LRP2: variants seen among roughly 807,000 people sequenced by gnomAD.
LRP2 encodes the protein low-density lipoprotein receptor-related protein 2.
In LRP2, 172 loss-of-function variants were observed where a neutral mutation model predicts 531.0. The observed-to-expected ratio is 0.32, with a 90% CI of 0.29 to 0.37. The LOEUF (loss-of-function observed/expected upper bound fraction) is 0.37. Among genes scored for constraint, LRP2 ranks in the 10% least tolerant of loss-of-function variants. The pLI, the probability that LRP2 is intolerant of heterozygous loss-of-function variation, is 1.00. For missense variants in LRP2, 5,167 were observed against 5,868.3 expected, an observed-to-expected ratio of 0.88 and a Z score of 3.90; for synonymous variants, 1,992 against 2,027.6, an observed-to-expected ratio of 0.98 and a Z score of 0.47.
At chr2:169,356,822 G>A (rs543379150) in intron 1 of LRP2, among the ~76,000 whole-genome samples, 22 of 152,264 alleles carry the variant, frequency 1.4e-4, no homozygotes, top group African/African-American at 5.1e-4. Context: ...TTCTAATGCT[G>A]GTGAGATCCT....
At chr2:169,193,731 T>C in intron 47 of LRP2, 30 bp downstream of exon 47, 1 of 1,614,058 alleles carries the variant, frequency 6.2e-7, no homozygotes, top group Non-Finnish European at 8.5e-7. Context: ...GGAATGTGAC[T>C]CTGCAGAGGA....
chr2:169,266,323 A>C (rs1426120057), intron 16 of LRP2, among the ~76,000 whole-genome samples: 1 of 152,028 alleles, frequency 6.6e-6, no homozygotes, highest in Non-Finnish European at 1.5e-5. Context: ...AGACAAACAA[A>C]AGAAGAAATA....
Position 169,140,461 on chromosome 2 carries a change from T to G in LRP2, c.13193A>C (p.Lys4398Thr), listed in dbSNP as rs774627697. The part of the protein sequence containing the change: ...NCYFDETDLP[K>T]CKCPSGYTGK... Reference sequence around the variant, plus strand: ...CCTCAACATTCAGACTTACTTGCATTTGGGGAGGTCAGTCTCATCAAAATA... The same window carrying G: ...CCTCAACATTCAGACTTACTTGCATGTGGGGAGGTCAGTCTCATCAAAATA... The change falls in exon 72 of 79, where the codon AAA becomes ACA. Residue 4398 changes from lysine (K) to threonine (T), a missense_variant. By Grantham distance (78) the Lys-to-Thr change is moderately conservative. Coordinates refer to ENST00000649046, the MANE Select transcript of LRP2 (RefSeq NM_004525.3). 21 of 1,613,640 alleles carry G rather than the reference T, an allele frequency of 1.3e-5. No homozygotes were observed. The highest frequency in any genetic ancestry group is 1.8e-5 in the Non-Finnish European group (21 of 1,179,510).
At chr2:169,348,230 C>T (rs1685747197) in intron 1 of LRP2, among the ~76,000 whole-genome samples, 1 of 152,220 alleles carries the variant, frequency 6.6e-6, no homozygotes, top group Admixed American at 6.5e-5. Context: ...TATTTCCCAA[C>T]TTCTCTACTC....
chr2:169,190,362 C>T (rs1406463279), intron 48 of LRP2, among the ~76,000 whole-genome samples: 1 of 152,246 alleles, frequency 6.6e-6, no homozygotes, highest in African/African-American at 2.4e-5. Flanking sequence ...AATGTCCACT[C>T]ATCAGAGGAT....
Position 169,270,786 on chromosome 2 carries a change from AT to A in LRP2, c.2320+117del, listed in dbSNP as rs1559049979. On this transcript the variant is annotated intron_variant, in intron 16 of 78. Coordinates refer to ENST00000649046, the MANE Select transcript of LRP2 (RefSeq NM_004525.3). ...AATAAATAAATAAATAAATAAATAA[AT>A]AAATAAGACTGCTTAAAAATTAGAT... 1,301 of 440,826 alleles carry A rather than the reference AT, an allele frequency of 3.0e-3. 13 individuals are homozygous for A. Among genetic ancestry groups the A allele is most frequent in the African/African-American group, 0.024 (1,084 of 44,428 alleles). The allele number at this position is 440,826 out of a possible 1,614,324, so 27.3% of individuals were successfully genotyped here.
chr2:169,312,468 G>A (rs1684639992), intron 3 of LRP2, among the ~76,000 whole-genome samples: 1 of 152,114 alleles, frequency 6.6e-6, no homozygotes, highest in African/African-American at 2.4e-5. Context: ...ATGAAGCTTA[G>A]TTTGGCTGGA....
chr2:169,243,300 C>T, intron 23 of LRP2, 103 bp downstream of exon 23: 1 of 1,402,108 alleles, frequency 7.1e-7, no homozygotes, highest in Non-Finnish European at 1.0e-6. Context: ...CCCCACCCCC[C>T]AACAGGCCCC....
At chr2:169,171,372 CA>C (rs1558993349) in intron 58 of LRP2, among the ~76,000 whole-genome samples, 1 of 152,138 alleles carries the variant, frequency 6.6e-6, no homozygotes, top group Admixed American at 6.6e-5. Flanking sequence ...GTTTTCAGAA[CA>C]CACATTGAGT....
At chr2:169,293,450 C>T (rs368074874) in intron 6 of LRP2, among the ~76,000 whole-genome samples, 69 of 152,146 alleles carry the variant, frequency 4.5e-4, no homozygotes, top group Admixed American at 1.2e-3. Flanking sequence ...CCGAGGCGGG[C>T]GGATCACTTG....
chr2:169,359,188 T>C (rs1686078626), intron 1 of LRP2, among the ~76,000 whole-genome samples: 1 of 152,186 alleles, frequency 6.6e-6, no homozygotes, highest in African/African-American at 2.4e-5. Context: ...AAGATGTCAT[T>C]GGGTAAATTC....
chr2:169,136,075 T>C (rs1685495998), intron 76 of LRP2, among the ~76,000 whole-genome samples: 1 of 152,180 alleles, frequency 6.6e-6, no homozygotes, highest in Non-Finnish European at 1.5e-5. Flanking sequence ...TCTTAGTCCT[T>C]TAATACCTGT....
In LRP2 at chr2:169,256,008, C is replaced by A. The variant is rs1574184873; in HGVS notation, c.2770+98G>T. 3 of 1,353,206 alleles carry A rather than the reference C, an allele frequency of 2.2e-6. No homozygotes were observed. The African/African-American group carries it at 4.3e-5, about 20-fold the overall frequency. The allele number at this position is 1,353,206 out of a possible 1,614,324, so 83.8% of individuals were successfully genotyped here. On this transcript the variant is annotated intron_variant, in intron 19 of 78. Transcript: ENST00000649046. ...AATTTTTTCATTTTAAAGTGGCCAG[C>A]TTTTCTGGGATTGTGAAAATGCCAC...
rs747346270 is a variant in LRP2, at chr2:169,191,788, G to C, written c.9032+44C>G. The C allele has an allele frequency of 1.4e-4, 219 of 1,561,094 alleles. No individual in the cohort carries two copies. The Middle Eastern group carries it at 1.4e-3, about 10-fold the overall frequency. On this transcript the variant is annotated intron_variant, in intron 48 of 78. Coordinates refer to ENST00000649046, the MANE Select transcript of LRP2 (RefSeq NM_004525.3). Reference sequence around the variant, plus strand: ...ATAGGTAAGTGAGCCCAGCCCCCATGGACATTTGAGGCATGCTGGGTAACT... The same window carrying C: ...ATAGGTAAGTGAGCCCAGCCCCCATCGACATTTGAGGCATGCTGGGTAACT...
intron 3 of LRP2, 57 bp downstream of exon 3, chr2:169,318,705 C>T (rs1684832372): frequency 1.2e-6 from 2 of 1,612,744 alleles, no homozygotes; most frequent in South Asian, 2.2e-5. Flanking sequence ...TTCTTTGCGA[C>T]AGGTTGGGTT....
chr2:169,191,237 C>A (rs1041395900), intron 48 of LRP2, among the ~76,000 whole-genome samples: 4 of 152,180 alleles, frequency 2.6e-5, no homozygotes, highest in Admixed American at 2.6e-4. Flanking sequence ...TGTCTCAGTT[C>A]ACTCCACCTG....
chr2:169,157,957 T>TAAATAAATAAATA (rs568534822), intron 63 of LRP2, among the ~76,000 whole-genome samples: 3 of 145,974 alleles, frequency 2.1e-5, no homozygotes, highest in South Asian at 4.3e-4. Context: ...AATAAATAAA[T>TAAATAAATAAATA]AAAAGACATG....
At chr2:169,227,262 G>A (rs962381934) in intron 31 of LRP2, among the ~76,000 whole-genome samples, 1 of 152,158 alleles carries the variant, frequency 6.6e-6, no homozygotes, top group Non-Finnish European at 1.5e-5. Flanking sequence ...CCCAATAAAT[G>A]TTTGATAACT....
chr2:169,324,882 A>T (rs1300108905), intron 1 of LRP2, among the ~76,000 whole-genome samples: 1 of 152,176 alleles, frequency 6.6e-6, no homozygotes, highest in Non-Finnish European at 1.5e-5. Flanking sequence ...GTTCGTCAGG[A>T]AGTGTAGAAT....
Sources: gnomAD v4.1 joint callset for allele counts (sites outside exome capture counted in the v4.1 genomes callset) on GRCh38, gnomAD v4.1.1 for gene constraint, MANE v1.5 for transcripts, NCBI Gene and HGNC (gene_info 2026-07-23, HGNC 2026-07-21) for gene names.